Variants in AP1B1 observed in about 807,000 individuals in gnomAD.
AP1B1 encodes the protein adaptor related protein complex 1 subunit beta 1.
AP1B1 carries 36 observed loss-of-function variants against 104.3 expected under a neutral mutation model. The observed-to-expected ratio is 0.35, with a 90% confidence interval of 0.26 to 0.46. The LOEUF (loss-of-function observed/expected upper bound fraction) is 0.46. Among genes scored for constraint, AP1B1 ranks in the 20% least tolerant of loss-of-function variants. AP1B1 has a pLI of 1.00. For synonymous variants in AP1B1, 504 were observed against 517.5 expected, an observed-to-expected ratio of 0.97 and a Z score of 0.35; for missense variants, 901 against 1,247.9, an observed-to-expected ratio of 0.72 and a Z score of 4.19.
chr22:29,383,465 C>T (rs2062469056), intron 1 of AP1B1, among the ~76,000 whole-genome samples: 1 of 151,994 alleles, frequency 6.6e-6, no homozygotes, highest in Admixed American at 6.5e-5. Flanking sequence ...AATCCCAGCA[C>T]TTTGGGAGGC....
intron 11 of AP1B1, among the ~76,000 whole-genome samples, chr22:29,344,367 T>C (rs568604061): frequency 6.6e-6 from 1 of 152,072 alleles, no homozygotes; most frequent in South Asian, 2.1e-4. Context: ...TCCGTTCCAG[T>C]TCCTCTCAAC....
intron 17 of AP1B1, among the ~76,000 whole-genome samples, chr22:29,332,568 C>A (rs1001187691): frequency 6.6e-6 from 1 of 152,186 alleles, no homozygotes; most frequent in Non-Finnish European, 1.5e-5. Context: ...GCTCGGTATA[C>A]CTGGGCTGCG....
chr22:29,334,204 C>A, intron 17 of AP1B1, 61 bp downstream of exon 17: 4 of 1,474,888 alleles, frequency 2.7e-6, no homozygotes, highest in African/African-American at 1.4e-5. Context: ...AGAACAGACT[C>A]CGAGTGGGTT....
chr22:29,379,797 C>T (rs573828158), intron 1 of AP1B1, among the ~76,000 whole-genome samples: 1 of 152,228 alleles, frequency 6.6e-6, no homozygotes, highest in Non-Finnish European at 1.5e-5. Flanking sequence ...ACGAAATTGC[C>T]AATGTGACAA....
At chr22:29,330,816 C>T (rs1008967556) in intron 19 of AP1B1, 107 bp from the exon 20 acceptor site, 4 of 924,366 alleles carry the variant, frequency 4.3e-6, no homozygotes, top group Non-Finnish European at 1.7e-6. Context: ...CACGTGAAAG[C>T]TGACAACAGG....
rs573726348 is a variant in AP1B1, at chr22:29,327,762, G to T, written c.*1059C>A. On this transcript the variant is annotated 3_prime_UTR_variant, in exon 23 of 23. Coordinates refer to ENST00000357586, the MANE Select transcript of AP1B1 (RefSeq NM_001127.4). ...ATATATTTTCTGATGATATATATTAGATCTAGTTACCGTAGGGTCAGAAAA... is the reference window on the plus strand; with the variant it reads ...ATATATTTTCTGATGATATATATTATATCTAGTTACCGTAGGGTCAGAAAA... 1.3e-5 allele frequency: 2 copies of T among 152,266 alleles called. No homozygotes were observed. Among genetic ancestry groups the T allele is most frequent in the African/African-American group, 4.8e-5 (2 of 41,540 alleles). The allele number at this position is 152,266 out of a possible 1,614,324, so 9.4% of individuals were successfully genotyped here.
chr22:29,344,514 A>ATTTTTT (rs35466454), intron 11 of AP1B1, among the ~76,000 whole-genome samples: 16 of 93,802 alleles, frequency 1.7e-4, no homozygotes, highest in Non-Finnish European at 2.2e-4. Context: ...CCTGGCCAAG[A>ATTTTTT]TTTTTTTTTT....
At chr22:29,372,384 A>AT (rs980170551) in intron 1 of AP1B1, among the ~76,000 whole-genome samples, 21 of 150,444 alleles carry the variant, frequency 1.4e-4, no homozygotes, top group Admixed American at 3.4e-4. Flanking sequence ...AGATCGCAGC[A>AT]TTGCACTCCA....
Position 29,330,397 on chromosome 22 carries a change from G to A in AP1B1, c.2747C>T (p.Pro916Leu), listed in dbSNP as rs1204536209. 1.1e-5 allele frequency: 18 copies of A among 1,613,422 alleles called. No homozygotes were observed. Among genetic ancestry groups the A allele is most frequent in the East Asian group, 4.5e-5 (2 of 44,882 alleles). ...TCTCACCGTGCAGCTGGGGTTGCCC[G>A]GCTGGATCCGCAGCTCCGCCAGCAC... ...IWVLAELRIQ[P>L]GNPSCTDLEL... Residue 916 changes from proline to leucine, a missense_variant, in exon 21 of 23, where the codon CCG becomes CTG. Physicochemically the swap from Pro to Leu is moderately conservative, Grantham distance 98. Coordinates refer to ENST00000357586, the MANE Select transcript of AP1B1 (RefSeq NM_001127.4).
intron 1 of AP1B1, among the ~76,000 whole-genome samples, chr22:29,386,294 C>T (rs926618985): frequency 7.9e-5 from 12 of 152,192 alleles, no homozygotes; most frequent in Admixed American, 5.9e-4. Flanking sequence ...TGGGGTTGAA[C>T]CCAGGGCTGA....
At chr22:29,330,338 G>A in intron 21 of AP1B1, 40 bp downstream of exon 21, 1 of 1,609,190 alleles carries the variant, frequency 6.2e-7, no homozygotes, top group East Asian at 2.2e-5. Flanking sequence ...GGGACGAAGG[G>A]GAGGCTCCAA....
At chr22:29,329,477 C>T (rs755785896) in intron 22 of AP1B1, 45 of 1,387,900 alleles carry the variant, frequency 3.2e-5, no homozygotes, top group Non-Finnish European at 3.8e-5. Context: ...AATGGAGTTC[C>T]GCAGGTCAGC....
chr22:29,364,378 A>T (rs1309676392), intron 2 of AP1B1, among the ~76,000 whole-genome samples: 1 of 152,234 alleles, frequency 6.6e-6, no homozygotes, highest in Non-Finnish European at 1.5e-5. Flanking sequence ...GACCCTGATA[A>T]CAGGTTAGGA....
chr22:29,364,972 G>A (rs1454756280), intron 2 of AP1B1, among the ~76,000 whole-genome samples: 1 of 152,128 alleles, frequency 6.6e-6, no homozygotes, highest in Non-Finnish European at 1.5e-5. Context: ...GCCTCCCAAA[G>A]TGTTGAGACT....
rs954346439 is a variant in AP1B1 at position 29,354,773 on chromosome 22, T to C, written c.815A>G (p.Lys272Arg). Residue 272 changes from lysine to arginine, a missense_variant, in exon 7 of 23, where the codon AAG (lysine) becomes AGG (arginine). Transcript: ENST00000357586. The stretch of plus-strand genomic sequence containing the variant: ...CAGTGTGCCGTAGTAGTCCAAGTCC[T>C]TAGACAACATCTCCATGAACTTCAT... ...VLMKFMEMLS[K>R]DLDYYGTLLK... is the part of the protein sequence containing the mutation. 5 of 1,613,980 alleles carry C rather than the reference T, an allele frequency of 3.1e-6. No individual in the cohort carries two copies. In the African/African-American group the frequency reaches 6.7e-5, roughly 22 times the overall value.
chr22:29,330,804 G>T, intron 19 of AP1B1, 95 bp from the exon 20 acceptor site: 1 of 1,072,122 alleles, frequency 9.3e-7, no homozygotes, highest in Non-Finnish European at 1.4e-6. Context: ...CCTTTACTGT[G>T]CCACGTGAAA....
At chr22:29,366,889 G>A (rs2062150934) in intron 2 of AP1B1, among the ~76,000 whole-genome samples, 1 of 149,182 alleles carries the variant, frequency 6.7e-6, no homozygotes, top group Admixed American at 6.7e-5. Context: ...CACAACTGCT[G>A]TGGGGGTGTT....
chr22:29,338,367 C>T (rs1486010328), intron 16 of AP1B1, among the ~76,000 whole-genome samples: 1 of 152,212 alleles, frequency 6.6e-6, no homozygotes, highest in Non-Finnish European at 1.5e-5. Flanking sequence ...GCTACAAACA[C>T]CCAGACTGTG....
intron 1 of AP1B1, among the ~76,000 whole-genome samples, chr22:29,372,316 C>T (rs562348347): frequency 1.3e-5 from 2 of 150,130 alleles, no homozygotes; most frequent in South Asian, 2.1e-4. Context: ...CCCAGCTACT[C>T]GGGAGGCTGA....
Sources: allele counts gnomAD v4.1 joint callset (sites outside exome capture counted in the v4.1 genomes callset), GRCh38; gene constraint gnomAD v4.1.1; transcripts MANE v1.5; gene names NCBI Gene and HGNC (gene_info 2026-07-23, HGNC 2026-07-21).